Variants in PTPRQ observed in about 807,000 individuals in gnomAD.
PTPRQ encodes protein tyrosine phosphatase receptor type Q.
A neutral mutation model predicts 246.0 loss-of-function variants in PTPRQ; 199 were observed. The observed-to-expected ratio is 0.81, with a 90% CI of 0.72 to 0.91. The LOEUF (loss-of-function observed/expected upper bound fraction) is 0.91. Among genes scored for constraint, PTPRQ ranks in the 40% least tolerant of loss-of-function variants. The probability of loss-of-function intolerance (pLI) is 0.00; values close to 1 mark genes in which losing one functional copy is unlikely to be tolerated. For missense variants in PTPRQ, 2,624 were observed against 2,528.4 expected (o/e 1.04, Z -0.81); for synonymous variants, 869 against 853.2 (o/e 1.02, Z -0.32).
chr12:80,506,213 G>A lies in PTPRQ; in HGVS notation c.2455+7G>A. 1 of 1,461,576 alleles carries A rather than the reference G, an allele frequency of 6.8e-7. No individual in the cohort carries two copies. Among genetic ancestry groups the A allele is most frequent in the South Asian group, 1.5e-5 (1 of 68,940 alleles). 90.5% of individuals were successfully genotyped at this position (1,461,576 alleles called of 1,614,324 possible). On this transcript the variant is annotated splice_region_variant and intron_variant, in intron 15 of 44. Transcript: ENST00000644991. ...TTAACCCAAAACATTAAAGGTAAAA[G>A]AACAAATCTAATATTGGATATTTGC...
At chr12:80,446,907 A>G (rs941917170) in intron 3 of PTPRQ, among the ~76,000 whole-genome samples, 3 of 151,872 alleles carry the variant, frequency 2.0e-5, no homozygotes, top group Non-Finnish European at 2.9e-5. Context: ...TGATACAATG[A>G]TTTCTTTTCC....
Position 80,510,415 on chromosome 12 carries a change from A to G in PTPRQ, c.2650A>G (p.Ile884Val). 6.5e-7 allele frequency: 1 copy of G among 1,550,302 alleles called. No homozygotes were observed. Among genetic ancestry groups the G allele is most frequent in the Admixed American group, 2.0e-5 (1 of 50,954 alleles). The change falls in exon 17 of 45, where the codon ATT becomes GTT. Residue 884 changes from isoleucine (I) to valine (V), a missense_variant. Transcript: ENST00000644991. ...GCAACCACCCCTGGAGCCAAATGGA[A>G]TTATCCTTTATTACACAGTTTATGT... ...SWQPPLEPNG[I>V]ILYYTVYVWN...
intron 26 of PTPRQ, among the ~76,000 whole-genome samples, chr12:80,597,915 C>T (rs1898022420): frequency 6.6e-6 from 1 of 151,946 alleles, no homozygotes; most frequent in East Asian, 1.9e-4. Flanking sequence ...TGATGCTATT[C>T]TCAGAAAATA....
intron 39 of PTPRQ, among the ~76,000 whole-genome samples, chr12:80,658,698 T>G (rs920657931): frequency 7.3e-5 from 11 of 150,280 alleles, no homozygotes; most frequent in Non-Finnish European, 1.0e-4. Context: ...AGTTGTTGGG[T>G]TTTTTTTTAA....
intron 6 of PTPRQ, among the ~76,000 whole-genome samples, chr12:80,467,199 C>A (rs543638711): frequency 2.6e-4 from 40 of 152,168 alleles, no homozygotes; most frequent in African/African-American, 8.9e-4. Context: ...GGGCGAAGGA[C>A]ATGAACAGAC....
chr12:80,670,318 A>T (rs1395120527), intron 41 of PTPRQ, 26 bp from the exon 42 acceptor site: 9 of 1,545,988 alleles, frequency 5.8e-6, no homozygotes, highest in Non-Finnish European at 7.9e-6. Flanking sequence ...TAATTTTGTC[A>T]TTCATTAATC....
intron 25 of PTPRQ, among the ~76,000 whole-genome samples, chr12:80,578,639 C>T (rs556913926): frequency 1.2e-3 from 178 of 152,146 alleles, no homozygotes; most frequent in African/African-American, 4.2e-3. Flanking sequence ...GTGATCCGCC[C>T]GCCTTGGCCT....
intron 39 of PTPRQ, among the ~76,000 whole-genome samples, chr12:80,664,180 AAC>A (rs1301106046): frequency 1.3e-5 from 2 of 151,886 alleles, no homozygotes; most frequent in African/African-American, 2.4e-5. Flanking sequence ...TAACCTCAAA[AAC>A]ACAGCCTCCT....
At chr12:80,672,090 C>T (rs1900987368) in intron 42 of PTPRQ, among the ~76,000 whole-genome samples, 1 of 151,836 alleles carries the variant, frequency 6.6e-6, no homozygotes, top group African/African-American at 2.4e-5. Flanking sequence ...CCCTATCCTA[C>T]CCTATCACCC....
chr12:80,449,761 C>T (rs560142046), intron 3 of PTPRQ, among the ~76,000 whole-genome samples: 1 of 152,254 alleles, frequency 6.6e-6, no homozygotes, highest in Non-Finnish European at 1.5e-5. Context: ...CAGTACCATG[C>T]TGTTTTGGTT....
chr12:80,622,243 T>C, intron 33 of PTPRQ, 109 bp downstream of exon 33: 1 of 958,578 alleles, frequency 1.0e-6, no homozygotes, highest in Non-Finnish European at 1.4e-6. Context: ...TATAAACTCA[T>C]TTAAATGTTA....
At chr12:80,596,532 A>G (rs1357933141) in intron 26 of PTPRQ, among the ~76,000 whole-genome samples, 1 of 152,042 alleles carries the variant, frequency 6.6e-6, no homozygotes. Flanking sequence ...TTTAAACTTC[A>G]AATGAATTCT....
chr12:80,455,405 C>T (rs920060170), intron 3 of PTPRQ, among the ~76,000 whole-genome samples: 3 of 152,056 alleles, frequency 2.0e-5, no homozygotes, highest in Non-Finnish European at 4.4e-5. Context: ...TTATAGTTAG[C>T]TTTTCATTTT....
intron 9 of PTPRQ, among the ~76,000 whole-genome samples, chr12:80,486,779 G>T (rs570769177): frequency 6.6e-6 from 1 of 152,104 alleles, no homozygotes; most frequent in South Asian, 2.1e-4. Flanking sequence ...AATCTTATTA[G>T]AAGTCACCAG....
At chr12:80,537,873 G>A (rs1223289143) in intron 19 of PTPRQ, among the ~76,000 whole-genome samples, 2 of 152,166 alleles carry the variant, frequency 1.3e-5, no homozygotes, top group East Asian at 1.9e-4. Flanking sequence ...ACTTTGGGAG[G>A]CTGAAGCAGG....
At chr12:80,554,763 G>C (rs564837680) in intron 25 of PTPRQ, among the ~76,000 whole-genome samples, 32 of 152,162 alleles carry the variant, frequency 2.1e-4, no homozygotes, top group African/African-American at 7.5e-4. Context: ...TCATTTTAGA[G>C]ACAATATCGC....
chr12:80,606,067 G>A (rs1170037548), intron 27 of PTPRQ, among the ~76,000 whole-genome samples: 2 of 151,114 alleles, frequency 1.3e-5, no homozygotes, highest in Non-Finnish European at 3.0e-5. Flanking sequence ...GAGTGAGTAG[G>A]ATAATTAAGG....
At chr12:80,615,981 A>G (rs909867341) in intron 29 of PTPRQ, among the ~76,000 whole-genome samples, 5 of 150,780 alleles carry the variant, frequency 3.3e-5, no homozygotes, top group African/African-American at 7.3e-5. Context: ...TGTTCTTCCT[A>G]CATATATTAT....
intron 17 of PTPRQ, among the ~76,000 whole-genome samples, chr12:80,529,815 AT>A (rs936443512): frequency 9.2e-5 from 14 of 151,750 alleles, no homozygotes; most frequent in South Asian, 8.3e-4. Context: ...AAGTAATTAA[AT>A]TTTTTTTTCA....
Sources: gnomAD v4.1 joint callset for allele counts (sites outside exome capture counted in the v4.1 genomes callset) on GRCh38, gnomAD v4.1.1 for gene constraint, MANE v1.5 for transcripts, NCBI Gene and HGNC (gene_info 2026-07-23, HGNC 2026-07-21) for gene names.